The following DOCK9 variants were observed in gnomAD, a reference collection of about 807,000 sequenced individuals.
DOCK9 encodes dedicator of cytokinesis 9.
Under a neutral mutation model 263.3 loss-of-function variants are expected in DOCK9, and 89 were observed. The observed-to-expected ratio is 0.34, with a 90% CI of 0.28 to 0.40. DOCK9 has a LOEUF of 0.40. Among genes scored for constraint, DOCK9 ranks in the 10% least tolerant of loss-of-function variants. The probability of loss-of-function intolerance (pLI) is 1.00; values close to 1 mark genes in which losing one functional copy is unlikely to be tolerated. For missense variants in DOCK9, 2,140 were observed against 2,603.4 expected (o/e 0.82, Z 3.87); for synonymous variants, 976 against 973.1 (o/e 1.00, Z -0.06).
intron 30 of DOCK9, chr13:98,866,982 G>A: frequency 2.8e-6 from 1 of 359,258 alleles, no homozygotes; most frequent in South Asian, 2.3e-5. Context: ...ACAGCATATG[G>A]AAGCAGTTCA....
chr13:99,005,806 C>T (rs2063265611), intron 1 of DOCK9, among the ~76,000 whole-genome samples: 1 of 152,136 alleles, frequency 6.6e-6, no homozygotes, highest in South Asian at 2.1e-4. Flanking sequence ...ACTCTAGCAC[C>T]ATTAAAGCAG....
intron 1 of DOCK9, among the ~76,000 whole-genome samples, chr13:98,963,190 G>T (rs2058847829): frequency 6.6e-6 from 1 of 152,180 alleles, no homozygotes; most frequent in South Asian, 2.1e-4. Flanking sequence ...GGGCCAGAAA[G>T]CAGGACCCCA....
At chr13:98,841,555 CCTCAGAATCAAGGAAACATAT>C (rs1337813261) in intron 38 of DOCK9, among the ~76,000 whole-genome samples, 1 of 151,926 alleles carries the variant, frequency 6.6e-6, no homozygotes, top group Admixed American at 6.6e-5. Context: ...CAAAAATGTG[CCTCAGAATCAAGGAAACATAT>C]CTCAGAATCA....
At chr13:99,031,629 T>C (rs536073775) in intron 1 of DOCK9, among the ~76,000 whole-genome samples, 2 of 152,252 alleles carry the variant, frequency 1.3e-5, no homozygotes, top group East Asian at 1.9e-4. Context: ...AGGGGCAGTA[T>C]AAAACCACAG....
chr13:98,851,132 T>C (rs1295272151), intron 35 of DOCK9, among the ~76,000 whole-genome samples: 1 of 152,216 alleles, frequency 6.6e-6, no homozygotes, highest in Non-Finnish European at 1.5e-5. Flanking sequence ...TTCACATAGA[T>C]TGTGCCATCT....
At chr13:99,078,272 C>T (rs924959132) in intron 1 of DOCK9, among the ~76,000 whole-genome samples, 1 of 152,044 alleles carries the variant, frequency 6.6e-6, no homozygotes, top group African/African-American at 2.4e-5. Flanking sequence ...TGGTGCCCCC[C>T]TTCGGAGTGA....
At chr13:98,922,857 C>T (rs1287710561) in intron 5 of DOCK9, among the ~76,000 whole-genome samples, 1 of 152,198 alleles carries the variant, frequency 6.6e-6, no homozygotes, top group East Asian at 1.9e-4. Flanking sequence ...TTATATAGTT[C>T]TTTAGCCATG....
chr13:99,018,752 A>G (rs1214447751), intron 1 of DOCK9, among the ~76,000 whole-genome samples: 3 of 152,260 alleles, frequency 2.0e-5, no homozygotes, highest in Non-Finnish European at 4.4e-5. Context: ...ATTTCATCAG[A>G]GGACATGAAT....
chr13:98,923,556 G>A (rs1339784011), intron 4 of DOCK9, among the ~76,000 whole-genome samples, 185 bp from the exon 5 acceptor site: 7 of 152,114 alleles, frequency 4.6e-5, no homozygotes, highest in South Asian at 4.1e-4. Flanking sequence ...AGAGACTTGA[G>A]TAAGAAAGCT....
chr13:98,943,804 G>GA (rs979699050), intron 2 of DOCK9, among the ~76,000 whole-genome samples: 2 of 151,940 alleles, frequency 1.3e-5, no homozygotes, highest in Non-Finnish European at 1.5e-5. Context: ...CTATTTAGGG[G>GA]AAAAAAAGCA....
chr13:99,003,797 C>G (rs1256060583), intron 1 of DOCK9, among the ~76,000 whole-genome samples: 1 of 152,196 alleles, frequency 6.6e-6, no homozygotes, highest in Admixed American at 6.5e-5. Context: ...TGAGACCTCT[C>G]CTTTCTCTAA....
intron 1 of DOCK9, among the ~76,000 whole-genome samples, chr13:98,962,560 C>G (rs188151732): frequency 6.6e-6 from 1 of 151,806 alleles, no homozygotes; most frequent in African/African-American, 2.4e-5. Flanking sequence ...AAAGGCAAAG[C>G]CTGGCAAACT....
chr13:99,007,584 A>G (rs1053990585), intron 1 of DOCK9, among the ~76,000 whole-genome samples: 2 of 152,056 alleles, frequency 1.3e-5, no homozygotes, highest in African/African-American at 2.4e-5. Flanking sequence ...AGCTATATCA[A>G]CTCTAAAAGG....
Position 98,903,087 on chromosome 13 carries a change from G to T in DOCK9, c.1061C>A (p.Pro354Gln). The T allele has an allele frequency of 6.6e-7, 1 of 1,521,480 alleles. No homozygotes were observed. Among genetic ancestry groups the T allele is most frequent in the South Asian group, 1.3e-5 (1 of 77,698 alleles). 94.2% of individuals were successfully genotyped at this position (1,521,480 alleles called of 1,614,324 possible). The stretch of plus-strand genomic sequence containing the variant: ...CTTCTCTTCAAATGACTTCACTTCT[G>T]GCTCAGCTGATGAGAAGTCAAGCTT... The part of the protein sequence containing the change: ...AQKLDFSSAE[P>Q]EVKSFEEKFG... The change falls in exon 11 of 53, where the codon CCA becomes CAA. Residue 354 changes from proline (P) to glutamine (Q), a missense_variant. Around this residue, in one of 2 missense-constraint regions of DOCK9, gnomAD observed 1,521 missense variants for 1,741.7 expected, o/e 0.87. Coordinates refer to ENST00000682017, the MANE Select transcript of DOCK9 (RefSeq NM_001366683.2).
At chr13:98,976,118 GA>G (rs1158302433) in intron 1 of DOCK9, among the ~76,000 whole-genome samples, 1 of 152,146 alleles carries the variant, frequency 6.6e-6, no homozygotes, top group Admixed American at 6.5e-5. Context: ...TGCCCGATAA[GA>G]AAAAACTTCT....
intron 3 of DOCK9, among the ~76,000 whole-genome samples, chr13:98,927,062 C>A (rs2053091679): frequency 6.6e-6 from 1 of 152,210 alleles, no homozygotes; most frequent in African/African-American, 2.4e-5. Flanking sequence ...AAGCACTTTA[C>A]TGGCAAGGGT....
At chr13:99,061,573 T>A (rs1439317772) in intron 1 of DOCK9, among the ~76,000 whole-genome samples, 1 of 152,056 alleles carries the variant, frequency 6.6e-6, no homozygotes, top group East Asian at 1.9e-4. Flanking sequence ...GAAGCCAGCG[T>A]CAAAGGGTAT....
At chr13:99,075,518 T>G (rs938889359) in intron 1 of DOCK9, among the ~76,000 whole-genome samples, 2 of 151,948 alleles carry the variant, frequency 1.3e-5, no homozygotes, top group African/African-American at 2.4e-5. Flanking sequence ...CAAGCCCAGC[T>G]AATTTTTTCT....
At chr13:98,895,549 C>T (rs1043626554) in intron 15 of DOCK9, among the ~76,000 whole-genome samples, 4 of 151,798 alleles carry the variant, frequency 2.6e-5, no homozygotes, top group East Asian at 1.9e-4. Context: ...CCTATAGTCC[C>T]AGCTACTTGG....
Sources: gnomAD v4.1 joint callset for allele counts (sites outside exome capture counted in the v4.1 genomes callset) on GRCh38, gnomAD v4.1.1 for gene constraint, gnomAD v4.1.1 regional missense constraint, MANE v1.5 for transcripts, NCBI Gene and HGNC (gene_info 2026-07-23, HGNC 2026-07-21) for gene names.